BABAM2: variants seen among roughly 807,000 people sequenced by gnomAD.
BABAM2 encodes the protein BRISC and BRCA1 A complex member 2.
A neutral mutation model predicts 54.7 loss-of-function variants in BABAM2; 31 were observed. The observed-to-expected ratio is 0.57, with a 90% CI of 0.43 to 0.77. The LOEUF (loss-of-function observed/expected upper bound fraction) is 0.77, where lower values mean the gene tolerates loss of function less well. BABAM2 is among the 30% of genes least tolerant of loss of function. BABAM2 has a pLI of 0.00. For missense variants in BABAM2, 364 were observed against 455.8 expected (o/e 0.80, Z 1.83); for synonymous variants, 167 against 162.9 (o/e 1.03, Z -0.19).
At chr2:28,071,499 G>C (rs1347967762) in intron 6 of BABAM2, among the ~76,000 whole-genome samples, 1 of 152,162 alleles carries the variant, frequency 6.6e-6, no homozygotes, top group Admixed American at 6.5e-5. Context: ...TTATCCGAAG[G>C]CACATATTGC....
chr2:28,040,291 A>ATTTTTTTT (rs1204898070), intron 5 of BABAM2, among the ~76,000 whole-genome samples: 10 of 97,232 alleles, frequency 1.0e-4, no homozygotes, highest in Non-Finnish European at 1.7e-4. Flanking sequence ...GAAAAACTGA[A>ATTTTTTTT]TTCTTTTTTT....
intron 1 of BABAM2, among the ~76,000 whole-genome samples, chr2:27,894,221 G>A (rs888498662): frequency 2.6e-5 from 4 of 152,092 alleles, no homozygotes; most frequent in Non-Finnish European, 5.9e-5. Context: ...AAGGTAGAAC[G>A]AGTGAGATAG....
chr2:28,007,180 C>G (rs1465960516), intron 4 of BABAM2, among the ~76,000 whole-genome samples: 1 of 151,800 alleles, frequency 6.6e-6, no homozygotes, highest in African/African-American at 2.4e-5. Flanking sequence ...AGAATTTTCA[C>G]TGGATTAAGA....
chr2:28,143,159 A>G (rs1671205850), intron 7 of BABAM2, among the ~76,000 whole-genome samples: 1 of 151,850 alleles, frequency 6.6e-6, no homozygotes, highest in African/African-American at 2.4e-5. Context: ...ATATATATAT[A>G]TAAAACAATG....
chr2:27,954,409 C>T (rs542395729), intron 3 of BABAM2, among the ~76,000 whole-genome samples: 2 of 152,342 alleles, frequency 1.3e-5, no homozygotes, highest in South Asian at 4.1e-4. Flanking sequence ...CCCTTGGAGG[C>T]CTCAGCAACT....
chr2:28,265,252 A>G (rs1405790751), intron 10 of BABAM2, among the ~76,000 whole-genome samples: 6 of 152,160 alleles, frequency 3.9e-5, no homozygotes, highest in African/African-American at 1.2e-4. Context: ...CCTGGCCAAC[A>G]TGGCAAAACC....
chr2:28,107,585 G>A (rs1211927587), intron 6 of BABAM2, among the ~76,000 whole-genome samples: 1 of 151,926 alleles, frequency 6.6e-6, no homozygotes, highest in African/African-American at 2.4e-5. Context: ...TACTCCCTTG[G>A]ATCATTTGGA....
intron 3 of BABAM2, among the ~76,000 whole-genome samples, chr2:27,970,921 G>T (rs1304950232): frequency 6.6e-6 from 1 of 151,992 alleles, no homozygotes; most frequent in Non-Finnish European, 1.5e-5. Context: ...TGGTTTATCT[G>T]ATTTTCTCTT....
chr2:28,008,712 CT>C (rs1674152086), intron 4 of BABAM2, among the ~76,000 whole-genome samples: 2 of 152,270 alleles, frequency 1.3e-5, no homozygotes, highest in South Asian at 2.1e-4. Flanking sequence ...CTATTTGGCA[CT>C]TTCCCCCCAG....
At chr2:27,908,538 G>A (rs1666352277) in intron 2 of BABAM2, among the ~76,000 whole-genome samples, 1 of 152,140 alleles carries the variant, frequency 6.6e-6, no homozygotes, top group Admixed American at 6.5e-5. Flanking sequence ...CTCTCAAAGT[G>A]CTGGATTACA....
chr2:28,001,567 T>C (rs991193773), intron 4 of BABAM2, among the ~76,000 whole-genome samples: 3 of 152,182 alleles, frequency 2.0e-5, no homozygotes, highest in Admixed American at 2.0e-4. Context: ...GTGTTGCTAT[T>C]AAATAGTATG....
chr2:27,983,942 C>CTTTTTTTTTTTTTTTTTTTTTTTTT, intron 3 of BABAM2, among the ~76,000 whole-genome samples: 15 of 31,156 alleles, frequency 4.8e-4, no homozygotes, highest in Admixed American at 8.8e-4. Context: ...CATTTTGTAC[C>CTTTTTTTTTTTTTTTTTTTTTTTTT]TTTTTTTTTT....
At chr2:28,250,068 A>T (rs1174677630) in intron 10 of BABAM2, among the ~76,000 whole-genome samples, 1 of 152,182 alleles carries the variant, frequency 6.6e-6, no homozygotes, top group African/African-American at 2.4e-5. Context: ...TAAGAAGGAG[A>T]TGCTGTGAGG....
intron 6 of BABAM2, among the ~76,000 whole-genome samples, chr2:28,106,927 T>C (rs79375408): frequency 0.013 from 2,051 of 152,306 alleles, 39 homozygotes; most frequent in African/African-American, 0.046. Flanking sequence ...TAAACAACCA[T>C]TTTCATACTG....
intron 3 of BABAM2, among the ~76,000 whole-genome samples, chr2:27,949,644 G>A (rs1393601762): frequency 3.3e-5 from 5 of 152,144 alleles, no homozygotes; most frequent in African/African-American, 1.2e-4. Context: ...TAAAAGAACT[G>A]GGGATGGAAG....
intron 3 of BABAM2, among the ~76,000 whole-genome samples, chr2:27,973,717 C>A (rs1027590977): frequency 6.6e-6 from 1 of 152,102 alleles, no homozygotes; most frequent in African/African-American, 2.4e-5. Flanking sequence ...TCAGGCTTAT[C>A]CTTGAGCTTC....
intron 10 of BABAM2, among the ~76,000 whole-genome samples, chr2:28,250,252 G>A (rs1480334385): frequency 6.6e-6 from 1 of 151,168 alleles, no homozygotes; most frequent in East Asian, 2.0e-4. Flanking sequence ...CCCTGAGGCA[G>A]CAAAGAGCTC....
In BABAM2 at chr2:28,007,182, G is replaced by T. The variant is rs73923964; in HGVS notation, c.301-18044G>T. ...TGTTTGTTACCAGAGAATTTTCACTGGATTAAGAAAGCCTGAATGGTAGTC... is the reference window on the plus strand; with the variant it reads ...TGTTTGTTACCAGAGAATTTTCACTTGATTAAGAAAGCCTGAATGGTAGTC... On this transcript the variant is annotated intron_variant, in intron 4 of 11. Transcript: ENST00000379624. Among the ~76,000 whole-genome samples, 1,400 of 151,904 alleles carry T rather than the reference G, an allele frequency of 9.2e-3. 23 individuals are homozygous for T. The highest frequency in any genetic ancestry group is 0.032 in the African/African-American group (1,307 of 41,466).
chr2:28,016,211 CT>C (rs1464920327), intron 4 of BABAM2: 14 of 1,030,948 alleles, frequency 1.4e-5, no homozygotes, highest in South Asian at 1.4e-5. Flanking sequence ...CTTTCTCTGT[CT>C]TTTTTTGGAT....
Sources: gnomAD v4.1 joint callset for allele counts (sites outside exome capture counted in the v4.1 genomes callset) on GRCh38, gnomAD v4.1.1 for gene constraint, MANE v1.5 for transcripts, NCBI Gene and HGNC (gene_info 2026-07-23, HGNC 2026-07-21) for gene names.